The following NMNAT2 variants were observed in gnomAD, a reference collection of about 807,000 sequenced individuals.
The protein encoded by NMNAT2 is nicotinamide/nicotinic acid mononucleotide adenylyltransferase 2.
A neutral mutation model predicts 41.6 loss-of-function variants in NMNAT2; 11 were observed. That is an observed-to-expected ratio of 0.26 (90% CI 0.17 to 0.44). The LOEUF is 0.44. Ranked by LOEUF, NMNAT2 falls within the 20% of genes least tolerant of loss-of-function variation. NMNAT2 has a pLI of 1.00. For synonymous variants in NMNAT2, 148 were observed against 151.2 expected (o/e 0.98, Z 0.16); for missense variants, 288 against 407.7 (o/e 0.71, Z 2.53).
chr1:183,369,598 T>C (rs775512910), intron 1 of NMNAT2, among the ~76,000 whole-genome samples: 63 of 151,934 alleles, frequency 4.1e-4, no homozygotes, highest in Non-Finnish European at 8.4e-4. Context: ...TCAATTGTGG[T>C]AAATATTCAT....
At chr1:183,299,189 T>A (rs1661782066) in intron 1 of NMNAT2, among the ~76,000 whole-genome samples, 1 of 152,036 alleles carries the variant, frequency 6.6e-6, no homozygotes, top group Non-Finnish European at 1.5e-5. Context: ...CTGGCCAACC[T>A]GGTGAAACCC....
chr1:183,270,077 G>A (rs1660944842), intron 8 of NMNAT2, among the ~76,000 whole-genome samples: 1 of 152,012 alleles, frequency 6.6e-6, no homozygotes, highest in South Asian at 2.1e-4. Flanking sequence ...GTAGAGACGG[G>A]GTTTCACTGT....
chr1:183,317,872 G>GA (rs1002875333), intron 1 of NMNAT2, among the ~76,000 whole-genome samples: 4 of 152,064 alleles, frequency 2.6e-5, no homozygotes, highest in African/African-American at 2.4e-5. Flanking sequence ...GTGTCCAAAA[G>GA]AAAAAAATAT....
At position 183,393,777 on chromosome 1, in the gene NMNAT2, A is replaced by G. The variant is rs958530357; in HGVS notation, c.85+24406T>C. 1.2e-4 allele frequency among the ~76,000 whole-genome samples: 18 copies of G among 152,230 alleles called. No individual in the cohort carries two copies. In the East Asian group the frequency reaches 3.5e-3, roughly 29 times the overall value. ...CACCATGTTGGCCAGGCTGGTCTCGAACTCCTGACCTCAGGTAATCCTCCC... is the reference window on the plus strand; with the variant it reads ...CACCATGTTGGCCAGGCTGGTCTCGGACTCCTGACCTCAGGTAATCCTCCC... On this transcript the variant is annotated intron_variant, in intron 1 of 10. Transcript: ENST00000287713.
At chr1:183,317,232 C>A (rs776851921) in intron 1 of NMNAT2, among the ~76,000 whole-genome samples, 1 of 152,166 alleles carries the variant, frequency 6.6e-6, no homozygotes, top group Non-Finnish European at 1.5e-5. Flanking sequence ...TTCATCCCCC[C>A]GTATTTCAGC....
intron 1 of NMNAT2, among the ~76,000 whole-genome samples, chr1:183,341,066 C>A (rs1355159726): frequency 6.6e-6 from 1 of 152,232 alleles, no homozygotes; most frequent in Non-Finnish European, 1.5e-5. Flanking sequence ...CAAGGTCATG[C>A]AGTGGATGGG....
chr1:183,287,312 C>T (rs1661426345), intron 4 of NMNAT2, among the ~76,000 whole-genome samples: 2 of 152,124 alleles, frequency 1.3e-5, no homozygotes, highest in African/African-American at 4.8e-5. Flanking sequence ...GTCATACAAA[C>T]ACAAGGCACG....
chr1:183,404,756 G>C lies in NMNAT2; in HGVS notation c.85+13427C>G, dbSNP rs1365648657. 7.9e-5 allele frequency among the ~76,000 whole-genome samples: 12 copies of C among 152,334 alleles called. No individual in the cohort carries two copies. The South Asian group carries it at 2.5e-3, about 32-fold the overall frequency. On this transcript the variant is annotated intron_variant, in intron 1 of 10. Coordinates refer to ENST00000287713, the MANE Select transcript of NMNAT2 (RefSeq NM_015039.4). ...TGCTGAATTGCCACCCCCGCTGTTGGTCTAGGGTGGAAGCATTATTATATC... is the reference window on the plus strand; with the variant it reads ...TGCTGAATTGCCACCCCCGCTGTTGCTCTAGGGTGGAAGCATTATTATATC...
intron 1 of NMNAT2, among the ~76,000 whole-genome samples, chr1:183,408,633 A>G (rs189848886): frequency 1.4e-3 from 209 of 152,340 alleles, no homozygotes; most frequent in African/African-American, 4.9e-3. Context: ...ATAAACAGAA[A>G]AAATGGAGTG....
chr1:183,355,851 G>A (rs1377553838), intron 1 of NMNAT2, among the ~76,000 whole-genome samples: 1 of 152,160 alleles, frequency 6.6e-6, no homozygotes. Context: ...CAGACAATCA[G>A]TGAAAGGTTT....
chr1:183,327,706 T>C (rs1662499430), intron 1 of NMNAT2, among the ~76,000 whole-genome samples: 1 of 152,206 alleles, frequency 6.6e-6, no homozygotes, highest in Admixed American at 6.5e-5. Context: ...ACTAGGCAAT[T>C]TCTCAGTGCC....
chr1:183,293,658 T>C, intron 2 of NMNAT2, 47 bp downstream of exon 2: 1 of 1,371,590 alleles, frequency 7.3e-7, no homozygotes, highest in Non-Finnish European at 1.0e-6. Context: ...AGGCCAGGGA[T>C]GGGGGGACGG....
chr1:183,376,690 A>G (rs906440164), intron 1 of NMNAT2, among the ~76,000 whole-genome samples: 1 of 152,122 alleles, frequency 6.6e-6, no homozygotes, highest in Non-Finnish European at 1.5e-5. Context: ...GGAATTCACC[A>G]TTTCCCTATA....
At chr1:183,338,457 A>G (rs1662726072) in intron 1 of NMNAT2, among the ~76,000 whole-genome samples, 2 of 152,214 alleles carry the variant, frequency 1.3e-5, no homozygotes, top group Non-Finnish European at 2.9e-5. Context: ...TCTGGTTTTC[A>G]CTTACTAGAG....
At chr1:183,370,239 C>A (rs1020186726) in intron 1 of NMNAT2, among the ~76,000 whole-genome samples, 2 of 145,946 alleles carry the variant, frequency 1.4e-5, no homozygotes, top group Non-Finnish European at 3.0e-5. Context: ...CACACACACA[C>A]ACACACACAC....
chr1:183,359,025 CA>C (rs1000468917), intron 1 of NMNAT2, among the ~76,000 whole-genome samples: 49 of 151,862 alleles, frequency 3.2e-4, no homozygotes, highest in Non-Finnish European at 6.2e-4. Flanking sequence ...GTTAAAGTAT[CA>C]TTGCATATTG....
At chr1:183,265,716 C>G (rs1660795603) in intron 8 of NMNAT2, among the ~76,000 whole-genome samples, 1 of 152,212 alleles carries the variant, frequency 6.6e-6, no homozygotes, top group Non-Finnish European at 1.5e-5. Flanking sequence ...CTCATCATGT[C>G]TGTCCTTTCT....
chr1:183,339,595 G>A (rs888708543), intron 1 of NMNAT2, among the ~76,000 whole-genome samples: 6 of 152,154 alleles, frequency 3.9e-5, no homozygotes, highest in Admixed American at 2.0e-4. Flanking sequence ...CAGTGTCCTC[G>A]TTTAAAGTTG....
At chr1:183,354,226 G>T (rs933031696) in intron 1 of NMNAT2, among the ~76,000 whole-genome samples, 1 of 152,042 alleles carries the variant, frequency 6.6e-6, no homozygotes, top group East Asian at 1.9e-4. Context: ...AGTGGATATA[G>T]TCTGGCTTGA....
Sources: allele counts gnomAD v4.1 joint callset (sites outside exome capture counted in the v4.1 genomes callset), GRCh38; gene constraint gnomAD v4.1.1; transcripts MANE v1.5; gene names NCBI Gene and HGNC (gene_info 2026-07-23, HGNC 2026-07-21).